AAGAB: variants seen among roughly 807,000 people sequenced by gnomAD.
The protein encoded by AAGAB is alpha- and gamma-adaptin-binding protein p34.
In AAGAB, 38 loss-of-function variants were observed where a neutral mutation model predicts 44.1. The ratio of observed to expected loss-of-function variants is 0.86; its 90% confidence interval spans 0.67 to 1.13. The LOEUF (loss-of-function observed/expected upper bound fraction) is 1.13. Among genes scored for constraint, AAGAB ranks in the 50% most tolerant of loss-of-function variants. AAGAB has a pLI of 0.00. For missense variants in AAGAB, 450 were observed against 373.8 expected (o/e 1.20, Z -1.68); for synonymous variants, 131 against 131.8 (o/e 0.99, Z 0.04).
intron 7 of AAGAB, among the ~76,000 whole-genome samples, chr15:67,206,430 T>C (rs1595978981): frequency 6.6e-6 from 1 of 152,356 alleles, no homozygotes; most frequent in Non-Finnish European, 1.5e-5. Context: ...TTTTAGACTA[T>C]GCAGATATAC....
At chr15:67,215,547 A>G (rs747843939) in intron 5 of AAGAB, among the ~76,000 whole-genome samples, 7 of 152,310 alleles carry the variant, frequency 4.6e-5, no homozygotes, top group Non-Finnish European at 7.4e-5. Flanking sequence ...TTTTCTTTAC[A>G]TCCCCTTCCC....
upstream of AAGAB, chr15:67,255,193 G>A (rs1267669107): frequency 3.6e-6 from 2 of 562,244 alleles, no homozygotes; most frequent in Non-Finnish European, 3.2e-6. Context: ...CTCTAAAACC[G>A]TTCACCCGGA....
intron 1 of AAGAB, among the ~76,000 whole-genome samples, chr15:67,250,222 G>C (rs575271615): frequency 2.6e-5 from 4 of 152,202 alleles, no homozygotes; most frequent in Admixed American, 2.6e-4. Flanking sequence ...TGTCACCCAG[G>C]GTGGTGTGCA....
chr15:67,208,555 A>G lies in AAGAB; in HGVS notation c.715+7T>C, dbSNP rs1175048535. ...GCTCTCTCTTGGCAGCCAAAGGAGG[A>G]ACTTACCCACAATGCTATCAACCTG... is the stretch of plus-strand genomic sequence containing the variant. On this transcript the variant is annotated splice_region_variant and intron_variant, in intron 7 of 9. Coordinates refer to ENST00000261880, the MANE Select transcript of AAGAB (RefSeq NM_024666.5). The G allele has an allele frequency of 6.2e-7, 1 of 1,612,912 alleles. No homozygotes were observed. Among genetic ancestry groups the G allele is most frequent in the Non-Finnish European group, 8.5e-7 (1 of 1,179,056 alleles).
chr15:67,226,221 C>T (rs1447855961), intron 5 of AAGAB, among the ~76,000 whole-genome samples: 1 of 152,008 alleles, frequency 6.6e-6, no homozygotes, highest in Non-Finnish European at 1.5e-5. Flanking sequence ...CAGCACTGAA[C>T]TCTAGGCTCA....
At chr15:67,222,242 G>GCGCACACACACACACACACA (rs1367738219) in intron 5 of AAGAB, among the ~76,000 whole-genome samples, 113 of 90,118 alleles carry the variant, frequency 1.3e-3, no homozygotes, top group Admixed American at 2.3e-3. Flanking sequence ...GCGCGCGCGC[G>GCGCACACACACACACACACA]CACACACACA....
chr15:67,253,501 C>A (rs1211824335), intron 1 of AAGAB, among the ~76,000 whole-genome samples: 2 of 152,006 alleles, frequency 1.3e-5, no homozygotes, highest in Non-Finnish European at 2.9e-5. Context: ...CGCCTGTAAT[C>A]TCAGCACTTA....
chr15:67,245,614 T>C (rs959637530), intron 1 of AAGAB, among the ~76,000 whole-genome samples: 1 of 152,246 alleles, frequency 6.6e-6, no homozygotes, highest in Admixed American at 6.5e-5. Context: ...GATTGTATAC[T>C]ACTTATATTC....
At chr15:67,238,227 G>A (rs1964515365) in intron 1 of AAGAB, among the ~76,000 whole-genome samples, 1 of 152,068 alleles carries the variant, frequency 6.6e-6, no homozygotes, top group South Asian at 2.1e-4. Flanking sequence ...TAAATTAACA[G>A]AAGGTCTATG....
chr15:67,202,881 C>G lies in AAGAB; in HGVS notation c.888G>C (p.Trp296Cys), dbSNP rs1479485259. The G allele has an allele frequency of 6.2e-7, 1 of 1,614,074 alleles. No homozygotes were observed. Among genetic ancestry groups the G allele is most frequent in the East Asian group, 2.2e-5 (1 of 44,888 alleles). Residue 296 changes from tryptophan (W) to cysteine (C), a missense_variant, in exon 10 of 10, where the codon TGG becomes TGC. Trp to Cys is a radical substitution (Grantham distance 215). Coordinates refer to ENST00000261880, the MANE Select transcript of AAGAB (RefSeq NM_024666.5). ...CATCTCTGTCTCCCCCGATTGCCAT[C>G]CAGAATGCTTTGGCCACCTGTGGAG... The part of the protein sequence containing the change: ...VHAEKVAKAF[W>C]MAIGGDRDEI...
chr15:67,245,028 T>TA (rs1964688689), intron 1 of AAGAB, among the ~76,000 whole-genome samples: 1 of 152,122 alleles, frequency 6.6e-6, no homozygotes, highest in Non-Finnish European at 1.5e-5. Context: ...TGTCCAAAGA[T>TA]ACGGAGAAAT....
chr15:67,230,956 A>G (rs958603009), intron 5 of AAGAB, among the ~76,000 whole-genome samples: 4 of 152,146 alleles, frequency 2.6e-5, no homozygotes, highest in African/African-American at 7.2e-5. Context: ...TACAGGAAAA[A>G]GCCAAAACTC....
In AAGAB at chr15:67,203,609, A is replaced by C. The variant is rs759539510; in HGVS notation, c.821-12T>G. ...CGTCGCAGCCTTGTCTAGGGGGAAA[A>C]TATATCTTAAGAAATTTGTCTAATA... On this transcript the variant is annotated splice_polypyrimidine_tract_variant and intron_variant, in intron 8 of 9. Transcript: ENST00000261880. The C allele has an allele frequency of 2.5e-6, 4 of 1,612,506 alleles. No individual in the cohort carries two copies. The highest frequency in any genetic ancestry group is 2.7e-5 in the African/African-American group (2 of 74,898).
intron 7 of AAGAB, among the ~76,000 whole-genome samples, chr15:67,205,966 G>A (rs936791619): frequency 6.6e-6 from 1 of 151,960 alleles, no homozygotes; most frequent in East Asian, 1.9e-4. Flanking sequence ...TGTTAACATC[G>A]TTTATGACCA....
intron 7 of AAGAB, among the ~76,000 whole-genome samples, chr15:67,205,243 A>G (rs1963659115): frequency 6.6e-6 from 1 of 152,242 alleles, no homozygotes; most frequent in Admixed American, 6.5e-5. Context: ...CTCCATGAAG[A>G]TAGGATGATG....
intron 1 of AAGAB, among the ~76,000 whole-genome samples, chr15:67,253,269 G>C (rs1372327423): frequency 6.8e-6 from 1 of 147,692 alleles, no homozygotes; most frequent in Admixed American, 6.6e-5. Flanking sequence ...ACGGGGGGGG[G>C]GGGGGGCAAT....
intron 5 of AAGAB, among the ~76,000 whole-genome samples, chr15:67,216,099 TATAA>T (rs571652792): frequency 1.2e-3 from 186 of 152,204 alleles, no homozygotes; most frequent in African/African-American, 4.4e-3. Flanking sequence ...TTTTCTTGAT[TATAA>T]ATAATATATT....
intron 5 of AAGAB, among the ~76,000 whole-genome samples, chr15:67,219,842 A>C (rs1964029144): frequency 6.6e-6 from 1 of 152,244 alleles, no homozygotes; most frequent in South Asian, 2.1e-4. Flanking sequence ...TTAATATAGA[A>C]GTTATATCTA....
chr15:67,254,865 C>G, upstream of AAGAB: 1 of 1,609,668 alleles, frequency 6.2e-7, no homozygotes, highest in Non-Finnish European at 8.5e-7. Context: ...GAAACCGCGC[C>G]TCCGCGGAGG....
Sources: gnomAD v4.1 joint callset for allele counts (sites outside exome capture counted in the v4.1 genomes callset) on GRCh38, gnomAD v4.1.1 for gene constraint, MANE v1.5 for transcripts, NCBI Gene and HGNC (gene_info 2026-07-23, HGNC 2026-07-21) for gene names.